Variants in SUPT3H observed in about 807,000 individuals in gnomAD.
The protein encoded by SUPT3H is transcription initiation protein SPT3 homolog.
Under a neutral mutation model 44.3 loss-of-function variants are expected in SUPT3H, and 44 were observed. The ratio of observed to expected loss-of-function variants is 0.99; its 90% confidence interval spans 0.78 to 1.28. The LOEUF is 1.28. Among genes scored for constraint, SUPT3H ranks in the 50% most tolerant of loss-of-function variants. The pLI is 0.00. For synonymous variants in SUPT3H, 124 were observed against 125.6 expected (o/e 0.99, Z 0.09); for missense variants, 380 against 387.1 (o/e 0.98, Z 0.15).
chr6:45,020,479 A>G, intron 4 of SUPT3H, 67 bp downstream of exon 4: 2 of 1,190,296 alleles, frequency 1.7e-6, no homozygotes, highest in Non-Finnish European at 2.5e-6. Flanking sequence ...AAGGATATAT[A>G]GTTTCCACAT....
chr6:44,929,000 A>G (rs1770102019), intron 10 of SUPT3H, among the ~76,000 whole-genome samples: 1 of 151,850 alleles, frequency 6.6e-6, no homozygotes, highest in African/African-American at 2.4e-5. Flanking sequence ...GTGTCTCCAC[A>G]GCACACATGA....
chr6:44,934,103 A>ATTTGTT lies in SUPT3H; in HGVS notation c.802-1346_802-1341dup, dbSNP rs551409552. 1.9e-3 allele frequency among the ~76,000 whole-genome samples: 289 copies of ATTTGTT among 152,280 alleles called. 1 individual carries two copies. Among genetic ancestry groups the ATTTGTT allele is most frequent in the African/African-American group, 6.3e-3 (261 of 41,556 alleles). On this transcript the variant is annotated intron_variant, in intron 9 of 10. Coordinates refer to ENST00000371459, the MANE Select transcript of SUPT3H (RefSeq NM_003599.4). ...CATTTGTAGTCACAGAATTAATATT[A>ATTTGTT]TTTGTTTTTCTGATAATTACTGTAT...
intron 2 of SUPT3H, among the ~76,000 whole-genome samples, chr6:45,265,904 T>C (rs1008997530): frequency 6.6e-6 from 1 of 151,980 alleles, no homozygotes; most frequent in Non-Finnish European, 1.5e-5. Flanking sequence ...TCAAAATGTA[T>C]CTACCAAAAA....
intron 6 of SUPT3H, among the ~76,000 whole-genome samples, chr6:44,990,059 A>G (rs1780387828): frequency 6.6e-6 from 1 of 152,124 alleles, no homozygotes; most frequent in African/African-American, 2.4e-5. Context: ...GTGATATCCA[A>G]AAAATCTTAC....
chr6:45,016,852 T>C (rs912471480), intron 4 of SUPT3H, among the ~76,000 whole-genome samples: 3 of 152,110 alleles, frequency 2.0e-5, no homozygotes, highest in African/African-American at 4.8e-5. Context: ...CCTTTGGGTA[T>C]ATACCCAGTA....
chr6:45,366,958 A>G (rs892396801), intron 1 of SUPT3H, among the ~76,000 whole-genome samples: 6 of 152,084 alleles, frequency 3.9e-5, no homozygotes, highest in Admixed American at 3.9e-4. Flanking sequence ...TTCTAATCTA[A>G]CCACTCCTGT....
At chr6:45,264,544 T>A (rs142578190) in intron 2 of SUPT3H, among the ~76,000 whole-genome samples, 1 of 152,106 alleles carries the variant, frequency 6.6e-6, no homozygotes, top group Non-Finnish European at 1.5e-5. Flanking sequence ...CCTGTAGTCA[T>A]TAAGATTTAA....
chr6:45,324,526 G>A (rs974996172), intron 2 of SUPT3H, among the ~76,000 whole-genome samples: 4 of 151,424 alleles, frequency 2.6e-5, no homozygotes, highest in African/African-American at 7.3e-5. Context: ...AGAAATGAGG[G>A]AAAAAAGGAA....
intron 9 of SUPT3H, among the ~76,000 whole-genome samples, chr6:44,950,820 TTTATTTTTTATTATTA>T (rs370928432): frequency 0.02 from 2,864 of 146,808 alleles, 51 homozygotes; most frequent in South Asian, 0.089. Context: ...TTCCTCTTGT[TTTATTTTTTATTATTA>T]TTATTTTTTA....
At chr6:44,934,247 C>T (rs1582594952) in intron 9 of SUPT3H, among the ~76,000 whole-genome samples, 1 of 152,192 alleles carries the variant, frequency 6.6e-6, no homozygotes, top group Non-Finnish European at 1.5e-5. Flanking sequence ...AAAGAACAAC[C>T]TCTTTTACTC....
chr6:45,263,497 G>C (rs896268669), intron 2 of SUPT3H, among the ~76,000 whole-genome samples: 9 of 152,110 alleles, frequency 5.9e-5, no homozygotes, highest in Non-Finnish European at 1.2e-4. Context: ...GGGTGAGGGA[G>C]TTGGGTATGG....
At chr6:45,074,712 A>C (rs1181622013) in intron 3 of SUPT3H, among the ~76,000 whole-genome samples, 2 of 152,054 alleles carry the variant, frequency 1.3e-5, no homozygotes, top group Non-Finnish European at 2.9e-5. Flanking sequence ...AGTACAGGAA[A>C]TACTATTCCT....
chr6:45,237,276 G>A (rs7757557), intron 2 of SUPT3H, among the ~76,000 whole-genome samples: 3 of 152,158 alleles, frequency 2.0e-5, no homozygotes, highest in Non-Finnish European at 4.4e-5. Flanking sequence ...GGCTGTTCAC[G>A]TAGTCAATTC....
chr6:45,241,050 G>A (rs1770213293), intron 2 of SUPT3H, among the ~76,000 whole-genome samples: 1 of 152,216 alleles, frequency 6.6e-6, no homozygotes, highest in South Asian at 2.1e-4. Context: ...GAAGCTGGGT[G>A]ATTTCAATGA....
At chr6:45,196,723 A>G (rs577264667) in intron 2 of SUPT3H, among the ~76,000 whole-genome samples, 1 of 152,056 alleles carries the variant, frequency 6.6e-6, no homozygotes, top group East Asian at 1.9e-4. Context: ...GATATCACTA[A>G]GCACAAGAAT....
chr6:45,235,623 C>T (rs977604306), intron 2 of SUPT3H, among the ~76,000 whole-genome samples: 2 of 151,974 alleles, frequency 1.3e-5, no homozygotes, highest in Non-Finnish European at 2.9e-5. Context: ...TAGGGTCTCA[C>T]GTACTAGGAT....
chr6:44,905,855 TG>T (rs1256411074), intron 10 of SUPT3H, among the ~76,000 whole-genome samples: 90 of 152,256 alleles, frequency 5.9e-4, no homozygotes, highest in African/African-American at 2.1e-3. Flanking sequence ...TAAAAAATGA[TG>T]AGTGCATGTC....
At chr6:45,039,640 C>T (rs532487696) in intron 3 of SUPT3H, among the ~76,000 whole-genome samples, 5 of 151,902 alleles carry the variant, frequency 3.3e-5, no homozygotes, top group South Asian at 2.1e-4. Flanking sequence ...TTTAGCTGGG[C>T]GTGGTGTTGG....
intron 2 of SUPT3H, among the ~76,000 whole-genome samples, chr6:45,224,998 G>A (rs368842287): frequency 6.6e-6 from 1 of 151,946 alleles, no homozygotes; most frequent in Admixed American, 6.6e-5. Flanking sequence ...TATACAATCT[G>A]CCAGGCGTGG....
Sources: allele counts gnomAD v4.1 joint callset (sites outside exome capture counted in the v4.1 genomes callset), GRCh38; gene constraint gnomAD v4.1.1; transcripts MANE v1.5; gene names NCBI Gene and HGNC (gene_info 2026-07-23, HGNC 2026-07-21).